CSMD1: variants seen among roughly 807,000 people sequenced by gnomAD.
The protein encoded by CSMD1 is CUB and sushi domain-containing protein 1.
CSMD1 carries 213 observed loss-of-function variants against 417.5 expected under a neutral mutation model. The observed-to-expected ratio is 0.51, with a 90% CI of 0.46 to 0.57. CSMD1 has a LOEUF of 0.57. Among genes scored for constraint, CSMD1 ranks in the 20% least tolerant of loss-of-function variants. CSMD1 has a pLI of 0.00. For missense variants in CSMD1, 6,923 were observed against 4,529.7 expected (o/e 1.53, Z -15.17); for synonymous variants, 2,862 against 1,736.8 (o/e 1.65, Z -16.11).
Position 3,367,239 on chromosome 8 carries a change from T to A in CSMD1, c.2908A>T (p.Met970Leu). ...IEVSHGKGVQ[M>L]IFHTFHLESS... ...TCAAGATGAAAGGTGTGAAAGATCA[T>A]TTGAACTCCTGAGAAATGAAGCCGG... The change falls in exon 20 of 70, where the codon ATG becomes TTG. Residue 970 changes from methionine to leucine, a missense_variant. Coordinates refer to ENST00000635120, the MANE Select transcript of CSMD1 (RefSeq NM_033225.6). The A allele has an allele frequency of 6.2e-7, 1 of 1,609,404 alleles. No individual in the cohort carries two copies. The highest frequency in any genetic ancestry group is 8.5e-7 in the Non-Finnish European group (1 of 1,177,590).
At chr8:4,431,731 G>A (rs370066449) in intron 2 of CSMD1, among the ~76,000 whole-genome samples, 5 of 152,274 alleles carry the variant, frequency 3.3e-5, no homozygotes, top group Admixed American at 3.3e-4. Context: ...GGAATCAATT[G>A]TTGTTCTAAC....
At chr8:4,062,860 T>G (rs1301294595) in intron 3 of CSMD1, among the ~76,000 whole-genome samples, 1 of 150,342 alleles carries the variant, frequency 6.7e-6, no homozygotes, top group Non-Finnish European at 1.5e-5. Flanking sequence ...CCAAGAGAAA[T>G]GAAAGCCTGT....
chr8:4,328,949 A>C (rs1799710934), intron 3 of CSMD1, among the ~76,000 whole-genome samples: 1 of 152,210 alleles, frequency 6.6e-6, no homozygotes, highest in South Asian at 2.1e-4. Flanking sequence ...ATGCATTTGC[A>C]AGTTTAGCAG....
chr8:3,333,604 A>G (rs981126938), intron 23 of CSMD1, among the ~76,000 whole-genome samples: 7 of 152,252 alleles, frequency 4.6e-5, no homozygotes, highest in Admixed American at 3.3e-4. Context: ...TATGTTTGCC[A>G]TAATCTTAAT....
chr8:4,101,657 T>C (rs17332525), intron 3 of CSMD1, among the ~76,000 whole-genome samples: 14,571 of 152,238 alleles, frequency 0.096, 789 homozygotes, highest in Middle Eastern at 0.19. Flanking sequence ...TCTTTCCAAA[T>C]AGAATGTTGA....
chr8:4,628,097 T>C (rs987847138), intron 2 of CSMD1, among the ~76,000 whole-genome samples: 23 of 146,660 alleles, frequency 1.6e-4, no homozygotes, highest in Non-Finnish European at 2.8e-4. Context: ...ATATATTATA[T>C]ACCATATATA....
At chr8:4,174,267 A>G (rs1226383764) in intron 3 of CSMD1, among the ~76,000 whole-genome samples, 1 of 152,186 alleles carries the variant, frequency 6.6e-6, no homozygotes, top group Non-Finnish European at 1.5e-5. Flanking sequence ...ATCTTCAGCA[A>G]GAATAGAGGC....
At chr8:3,783,387 G>A (rs908938169) in intron 5 of CSMD1, among the ~76,000 whole-genome samples, 2 of 152,202 alleles carry the variant, frequency 1.3e-5, no homozygotes, top group Non-Finnish European at 2.9e-5. Context: ...ACATGCCCCT[G>A]GGGTGACCCA....
chr8:4,834,106 T>C (rs77705020), intron 1 of CSMD1, among the ~76,000 whole-genome samples: 1,549 of 152,342 alleles, frequency 0.01, 21 homozygotes, highest in African/African-American at 0.035. Flanking sequence ...GAATTCCTTT[T>C]GTTTCTTGTT....
chr8:3,017,156 A>T (rs1316094631), intron 52 of CSMD1, among the ~76,000 whole-genome samples: 1 of 152,232 alleles, frequency 6.6e-6, no homozygotes, highest in Non-Finnish European at 1.5e-5. Flanking sequence ...TACAATTACT[A>T]ATAGAGATGT....
At position 3,616,759 on chromosome 8, in the gene CSMD1, G is replaced by T. The variant is rs769430309; in HGVS notation, c.1048C>A (p.Pro350Thr). 8 of 1,612,462 alleles carry T rather than the reference G, an allele frequency of 5.0e-6. No individual in the cohort carries two copies. The highest frequency in any genetic ancestry group is 6.8e-6 in the Non-Finnish European group (8 of 1,179,168). Reference sequence around the variant, plus strand: ...CCATTTTCTGGAATCCCAGGATCTGGACACATGTCAGAGACCAATGCAACA... The same window carrying T: ...CCATTTTCTGGAATCCCAGGATCTGTACACATGTCAGAGACCAATGCAACA... ...GGVALVSDMC[P>T]DPGIPENGRR... The change falls in exon 8 of 70, where the codon CCA (proline) becomes ACA (threonine). Residue 350 changes from proline (P) to threonine (T), a missense_variant. Transcript: ENST00000635120.
chr8:4,113,538 G>A (rs1801972182), intron 3 of CSMD1, among the ~76,000 whole-genome samples: 2 of 151,846 alleles, frequency 1.3e-5, no homozygotes, highest in Admixed American at 6.6e-5. Context: ...CTGAGTAGCT[G>A]GGATTACAGG....
At chr8:4,839,942 C>A (rs545635939) in intron 1 of CSMD1, among the ~76,000 whole-genome samples, 66 of 152,294 alleles carry the variant, frequency 4.3e-4, no homozygotes, top group African/African-American at 1.5e-3. Context: ...AACACAGACC[C>A]GGAGACCAAA....
chr8:4,313,637 T>A (rs868021787), intron 3 of CSMD1, among the ~76,000 whole-genome samples: 1 of 151,866 alleles, frequency 6.6e-6, no homozygotes, highest in Non-Finnish European at 1.5e-5. Context: ...CATTTAAACA[T>A]CAACACATGT....
At chr8:3,119,085 C>A (rs1386840604) in intron 41 of CSMD1, among the ~76,000 whole-genome samples, 1 of 151,874 alleles carries the variant, frequency 6.6e-6, no homozygotes, top group Non-Finnish European at 1.5e-5. Flanking sequence ...GAGGCTGAGG[C>A]GGGAGAATGG....
intron 1 of CSMD1, among the ~76,000 whole-genome samples, chr8:4,898,166 G>A (rs1052853059): frequency 1.3e-5 from 2 of 152,070 alleles, no homozygotes; most frequent in Admixed American, 1.3e-4. Flanking sequence ...TGATATTTGA[G>A]GGAGGAATGC....
chr8:4,135,144 A>C (rs945620797), intron 3 of CSMD1, among the ~76,000 whole-genome samples: 7 of 152,194 alleles, frequency 4.6e-5, no homozygotes, highest in Non-Finnish European at 8.8e-5. Flanking sequence ...ATATTGTCAT[A>C]TTCTGGTACA....
intron 37 of CSMD1, among the ~76,000 whole-genome samples, chr8:3,172,847 A>G (rs73491798): frequency 0.015 from 2,331 of 152,280 alleles, 68 homozygotes; most frequent in African/African-American, 0.054. Flanking sequence ...ACATTCTAAA[A>G]CAACAGTGGA....
At chr8:3,860,241 CTG>C (rs1265869757) in intron 5 of CSMD1, among the ~76,000 whole-genome samples, 7 of 152,152 alleles carry the variant, frequency 4.6e-5, no homozygotes, top group Non-Finnish European at 1.0e-4. Flanking sequence ...ACTGCCTACT[CTG>C]TTTCAGTCAG....
Sources: gnomAD v4.1 joint callset for allele counts (sites outside exome capture counted in the v4.1 genomes callset) on GRCh38, gnomAD v4.1.1 for gene constraint, MANE v1.5 for transcripts, NCBI Gene and HGNC (gene_info 2026-07-23, HGNC 2026-07-21) for gene names.